The following ABTB3 variants were observed in gnomAD, a reference collection of about 807,000 sequenced individuals.
The protein encoded by ABTB3 is ankyrin repeat and BTB domain containing 3.
chr12:107,347,268 T>A, the ABTB3 span, among the ~76,000 whole-genome samples: 1 of 152,206 alleles, frequency 6.6e-6, no homozygotes, highest in African/African-American at 2.4e-5. Flanking sequence ...GGCTAGGAGA[T>A]ATAAAGTTAA....
chr12:107,345,869 G>C, the ABTB3 span, among the ~76,000 whole-genome samples: 2 of 152,212 alleles, frequency 1.3e-5, no homozygotes, highest in Non-Finnish European at 2.9e-5. Flanking sequence ...CTACTTGGAC[G>C]TAAGGAGATG....
At chr12:107,428,141 G>T in the ABTB3 span, among the ~76,000 whole-genome samples, 1 of 152,200 alleles carries the variant, frequency 6.6e-6, no homozygotes, top group East Asian at 1.9e-4. Context: ...GTCAGTAGGT[G>T]CTCAATAGAT....
At chr12:107,469,299 C>T in the ABTB3 span, among the ~76,000 whole-genome samples, 2 of 152,154 alleles carry the variant, frequency 1.3e-5, no homozygotes, top group African/African-American at 4.8e-5. Context: ...AATTGAGCTT[C>T]CTGTAACCCT....
chr12:107,616,742 C>T, the ABTB3 span, among the ~76,000 whole-genome samples: 29 of 152,300 alleles, frequency 1.9e-4, no homozygotes, highest in South Asian at 6.0e-3. Flanking sequence ...AACCTTTAGC[C>T]CAGTGCTTCT....
chr12:107,579,229 C>T, the ABTB3 span, among the ~76,000 whole-genome samples: 5 of 152,202 alleles, frequency 3.3e-5, no homozygotes, highest in African/African-American at 1.2e-4. Context: ...CAGGAATCAG[C>T]CCATTGCATG....
the ABTB3 span, among the ~76,000 whole-genome samples, chr12:107,529,452 T>C: frequency 1.3e-4 from 20 of 152,224 alleles, no homozygotes; most frequent in African/African-American, 4.8e-4. Context: ...GCAATGATGA[T>C]GGTGATGGGG....
chr12:107,587,030 C>A, the ABTB3 span, among the ~76,000 whole-genome samples: 12 of 152,186 alleles, frequency 7.9e-5, no homozygotes, highest in Non-Finnish European at 1.6e-4. Context: ...ACCACATATG[C>A]AAAGGCCTCA....
the ABTB3 span, among the ~76,000 whole-genome samples, chr12:107,469,994 TTCTTTCTTTCTTTCTTTCTCTC>T: frequency 1.3e-3 from 86 of 64,082 alleles, 5 homozygotes; most frequent in Non-Finnish European, 1.7e-3. Flanking sequence ...CTTTCTTTCT[TTCTTTCTTTCTTTCTTTCTCTC>T]TCTCTCTCTC....
At chr12:107,523,006 T>C in the ABTB3 span, among the ~76,000 whole-genome samples, 10 of 152,188 alleles carry the variant, frequency 6.6e-5, no homozygotes, top group African/African-American at 2.4e-4. Context: ...CAATTGATTA[T>C]CAATTTAGCT....
the ABTB3 span, among the ~76,000 whole-genome samples, chr12:107,331,904 C>T: frequency 3.9e-5 from 6 of 152,164 alleles, no homozygotes; most frequent in African/African-American, 1.4e-4. Context: ...CCCCACCTCT[C>T]CCCACCTGGG....
At chr12:107,625,869 T>C in the ABTB3 span, among the ~76,000 whole-genome samples, 4 of 152,210 alleles carry the variant, frequency 2.6e-5, no homozygotes, top group Admixed American at 2.6e-4. Context: ...TGTTGCAGCC[T>C]GGCAAGAGTA....
chr12:107,405,302 A>G, the ABTB3 span, among the ~76,000 whole-genome samples: 1 of 152,228 alleles, frequency 6.6e-6, no homozygotes, highest in Admixed American at 6.5e-5. Context: ...GTTAATGGTT[A>G]TGTTTATCAC....
chr12:107,643,752 C>CTTTTT, the ABTB3 span, among the ~76,000 whole-genome samples: 19,613 of 110,938 alleles, frequency 0.18, 1,896 homozygotes, highest in Non-Finnish European at 0.23. Flanking sequence ...ATTGTTATTC[C>CTTTTT]TTTTTTTTTT....
the ABTB3 span, among the ~76,000 whole-genome samples, chr12:107,321,370 G>T: frequency 6.6e-6 from 1 of 152,272 alleles, no homozygotes; most frequent in African/African-American, 2.4e-5. Context: ...CGCGCAGGGC[G>T]CCCGGCTCCA....
chr12:107,379,364 C>A, the ABTB3 span, among the ~76,000 whole-genome samples: 394 of 152,208 alleles, frequency 2.6e-3, 1 homozygote, highest in Middle Eastern at 6.8e-3. Context: ...GTAATTGAAT[C>A]ATGGGGGTGG....
chr12:107,440,181 G>A, the ABTB3 span, among the ~76,000 whole-genome samples: 1 of 152,312 alleles, frequency 6.6e-6, no homozygotes, highest in East Asian at 1.9e-4. Flanking sequence ...TCCACCCTGA[G>A]CCTGTGTGGG....
the ABTB3 span, among the ~76,000 whole-genome samples, chr12:107,530,887 T>G: frequency 6.6e-6 from 1 of 152,196 alleles, no homozygotes; most frequent in Non-Finnish European, 1.5e-5. Flanking sequence ...TCAGGAGTTA[T>G]GAGTAGTTGT....
chr12:107,446,033 T>A, the ABTB3 span, among the ~76,000 whole-genome samples: 1 of 152,014 alleles, frequency 6.6e-6, no homozygotes, highest in African/African-American at 2.4e-5. Context: ...CCTAATCACA[T>A]CTGCAACCCC....
At chr12:107,625,749 A>C in the ABTB3 span, among the ~76,000 whole-genome samples, 9 of 150,742 alleles carry the variant, frequency 6.0e-5, no homozygotes, top group Non-Finnish European at 1.0e-4. Context: ...GTCTCCACTG[A>C]CACCTGGGTG....
Sources: allele counts gnomAD v4.1 joint callset (sites outside exome capture counted in the v4.1 genomes callset), GRCh38; gene constraint gnomAD v4.1.1; transcripts MANE v1.5; gene names NCBI Gene and HGNC (gene_info 2026-07-23, HGNC 2026-07-21).